The following MYZAP variants were observed in gnomAD, a reference collection of about 807,000 sequenced individuals.
MYZAP encodes the protein GRINL1A complex locus upstream.
In MYZAP, 66 loss-of-function variants were observed where a neutral mutation model predicts 69.4. The observed-to-expected ratio is 0.95, with a 90% CI of 0.78 to 1.17. The LOEUF is 1.17. Among genes scored for constraint, MYZAP ranks in the 50% most tolerant of loss-of-function variants. The pLI, the probability that MYZAP is intolerant of heterozygous loss-of-function variation, is 0.00. For missense variants in MYZAP, 611 were observed against 556.2 expected (o/e 1.10, Z -0.99); for synonymous variants, 256 against 205.9 (o/e 1.24, Z -2.09).
intron 5 of MYZAP, among the ~76,000 whole-genome samples, chr15:57,628,921 A>G (rs1460369335): frequency 6.6e-6 from 1 of 151,856 alleles, no homozygotes; most frequent in Non-Finnish European, 1.5e-5. Context: ...CATCTCCACT[A>G]AAAATACAAA....
At chr15:57,682,000 T>C (rs574694893) in intron 12 of MYZAP, among the ~76,000 whole-genome samples, 3 of 152,288 alleles carry the variant, frequency 2.0e-5, no homozygotes, top group East Asian at 3.9e-4. Flanking sequence ...AGGCTTCATA[T>C]ACACATTTTG....
rs1393880062 is a variant in MYZAP, at chr15:57,617,980, G to A, written c.163-53G>A. The A allele has an allele frequency of 1.8e-5, 29 of 1,575,800 alleles. No homozygotes were observed. The African/African-American group carries it at 3.7e-4, about 20-fold the overall frequency. On this transcript the variant is annotated intron_variant, in intron 2 of 12. Transcript: ENST00000267853. ...ACAGTGGGCCCGTTATTACAACTGTGCATGAGGCCTAAAGAGTCATTATTC... is the reference window on the plus strand; with the variant it reads ...ACAGTGGGCCCGTTATTACAACTGTACATGAGGCCTAAAGAGTCATTATTC...
intron 10 of MYZAP, chr15:57,648,565 C>A: frequency 1.3e-6 from 1 of 775,306 alleles, no homozygotes; most frequent in Non-Finnish European, 1.6e-6. Flanking sequence ...GGCTTAGAGT[C>A]TTAAAAAATA....
intron 2 of MYZAP, among the ~76,000 whole-genome samples, chr15:57,615,571 G>A (rs150246782): frequency 2.0e-5 from 3 of 152,336 alleles, no homozygotes; most frequent in African/African-American, 7.2e-5. Flanking sequence ...AAAGCCTTGT[G>A]TTGTCATTGG....
In MYZAP at chr15:57,685,339, A is replaced by C. The variant is rs2039641582; in HGVS notation, c.*841A>C. 6.6e-6 allele frequency: 1 copy of C among 152,224 alleles called. No homozygotes were observed. Among genetic ancestry groups the C allele is most frequent in the Non-Finnish European group, 1.5e-5 (1 of 68,046 alleles). The allele number at this position is 152,224 out of a possible 1,614,324, so 9.4% of individuals were successfully genotyped here. Reference sequence around the variant, plus strand: ...ATAACCTATGTCACATGTGTTTAATAAATACCATATATTTTGTTCTACTAA... The same window carrying C: ...ATAACCTATGTCACATGTGTTTAATCAATACCATATATTTTGTTCTACTAA... On this transcript the variant is annotated 3_prime_UTR_variant, in exon 13 of 13. Transcript: ENST00000267853.
At chr15:57,601,126 G>A (rs1753378493) in intron 1 of MYZAP, among the ~76,000 whole-genome samples, 1 of 152,052 alleles carries the variant, frequency 6.6e-6, no homozygotes, top group East Asian at 1.9e-4. Context: ...ATTCATAGAG[G>A]CTTACTATGT....
chr15:57,678,497 T>C (rs569598021), intron 12 of MYZAP, among the ~76,000 whole-genome samples: 1 of 152,336 alleles, frequency 6.6e-6, no homozygotes, highest in South Asian at 2.1e-4. Context: ...TAGAACACTA[T>C]ATAAAATACA....
intron 12 of MYZAP, among the ~76,000 whole-genome samples, chr15:57,681,980 T>C (rs1416856574): frequency 6.6e-6 from 1 of 152,138 alleles, no homozygotes; most frequent in African/African-American, 2.4e-5. Context: ...GGGAAAGGGA[T>C]TCGACTCTTA....
chr15:57,593,448 T>C (rs551646392), intron 1 of MYZAP, among the ~76,000 whole-genome samples: 66 of 152,164 alleles, frequency 4.3e-4, no homozygotes, highest in Non-Finnish European at 5.7e-4. Flanking sequence ...CCTGAGAGGA[T>C]CATATGTGTG....
intron 12 of MYZAP, among the ~76,000 whole-genome samples, chr15:57,681,703 T>A (rs1181910565): frequency 6.6e-6 from 1 of 152,074 alleles, no homozygotes; most frequent in East Asian, 1.9e-4. Context: ...GAGAATTGCT[T>A]GAGCCTGGGA....
chr15:57,663,825 T>G (rs1230455141), intron 11 of MYZAP, among the ~76,000 whole-genome samples: 2 of 152,276 alleles, frequency 1.3e-5, no homozygotes, highest in East Asian at 1.9e-4. Context: ...ACCAGTTTTT[T>G]TTTGAGCATA....
At chr15:57,599,375 T>C in intron 1 of MYZAP, 1 of 855,420 alleles carries the variant, frequency 1.2e-6, no homozygotes, top group Non-Finnish European at 1.4e-6. Context: ...TTTGCCATCG[T>C]CGTACCCTCA....
chr15:57,621,780 A>G (rs1247041332), intron 4 of MYZAP, 80 bp downstream of exon 4: 3 of 1,285,660 alleles, frequency 2.3e-6, no homozygotes, highest in Non-Finnish European at 2.2e-6. Context: ...GTGCCTAAAG[A>G]TATTAGAGTA....
intron 1 of MYZAP, among the ~76,000 whole-genome samples, chr15:57,600,962 C>T (rs2034373174): frequency 1.3e-5 from 2 of 152,040 alleles, no homozygotes; most frequent in African/African-American, 4.8e-5. Flanking sequence ...CCTGTGGTCC[C>T]AGCTATTTAG....
chr15:57,599,674 A>G, intron 1 of MYZAP: 2 of 1,289,208 alleles, frequency 1.6e-6, no homozygotes, highest in Non-Finnish European at 2.0e-6. Context: ...TCAGGAGACC[A>G]TGGAGATCAG....
chr15:57,676,222 T>G (rs1207311986), intron 12 of MYZAP, among the ~76,000 whole-genome samples: 3 of 152,046 alleles, frequency 2.0e-5, no homozygotes, highest in African/African-American at 4.8e-5. Flanking sequence ...TTATTAATTT[T>G]TATTTATTAC....
At chr15:57,609,300 C>T (rs1332681353) in intron 2 of MYZAP, among the ~76,000 whole-genome samples, 1 of 152,224 alleles carries the variant, frequency 6.6e-6, no homozygotes, top group East Asian at 1.9e-4. Context: ...GCTTCAATAA[C>T]CGAAAGTATT....
chr15:57,627,515 G>A (rs1295684050), intron 5 of MYZAP, among the ~76,000 whole-genome samples: 2 of 152,100 alleles, frequency 1.3e-5, no homozygotes, highest in Non-Finnish European at 2.9e-5. Flanking sequence ...AGGCACTGAT[G>A]CTGAGGACCA....
At chr15:57,681,892 A>G (rs1035601444) in intron 12 of MYZAP, among the ~76,000 whole-genome samples, 3 of 152,174 alleles carry the variant, frequency 2.0e-5, no homozygotes, top group Non-Finnish European at 4.4e-5. Flanking sequence ...GAGACATGCA[A>G]AGTTTAAAAT....
Sources: allele counts gnomAD v4.1 joint callset (sites outside exome capture counted in the v4.1 genomes callset), GRCh38; gene constraint gnomAD v4.1.1; transcripts MANE v1.5; gene names NCBI Gene and HGNC (gene_info 2026-07-23, HGNC 2026-07-21).